Variants in CACNA1C observed in about 807,000 individuals in gnomAD.
CACNA1C encodes the protein calcium voltage-gated channel subunit alpha1 C, also known as voltage-dependent L-type calcium channel subunit alpha-1C.
Under a neutral mutation model 229.0 loss-of-function variants are expected in CACNA1C, and 30 were observed. That is an observed-to-expected ratio of 0.13 (90% confidence interval 0.10 to 0.18). The LOEUF is 0.18. Ranked by LOEUF, CACNA1C falls within the 10% of genes least tolerant of loss-of-function variation. The pLI is 1.00. For synonymous variants in CACNA1C, 1,114 were observed against 1,132.5 expected (o/e 0.98, Z 0.33); for missense variants, 1,658 against 2,845.0 (o/e 0.58, Z 9.49).
intron 3 of CACNA1C, among the ~76,000 whole-genome samples, chr12:2,437,658 AAATGGTGGT>A (rs547810093): frequency 5.7e-4 from 86 of 152,026 alleles, no homozygotes; most frequent in African/African-American, 1.9e-3. Flanking sequence ...GGGGAGGTGG[AAATGGTGGT>A]AATGGTGATG....
At chr12:2,556,050 G>A (rs532017167) in intron 10 of CACNA1C, among the ~76,000 whole-genome samples, 12 of 152,042 alleles carry the variant, frequency 7.9e-5, no homozygotes, top group Non-Finnish European at 1.3e-4. Flanking sequence ...TATCCCCAGC[G>A]TTCATGCCCT....
At chr12:2,452,311 G>A (rs1034125729) in intron 4 of CACNA1C, among the ~76,000 whole-genome samples, 8 of 152,188 alleles carry the variant, frequency 5.3e-5, no homozygotes, top group Admixed American at 4.6e-4. Flanking sequence ...AGGGACTGTG[G>A]CGGCCTCAGA....
At chr12:2,474,568 A>C (rs1165558036) in intron 5 of CACNA1C, among the ~76,000 whole-genome samples, 1 of 152,104 alleles carries the variant, frequency 6.6e-6, no homozygotes, top group Non-Finnish European at 1.5e-5. Flanking sequence ...CAGCCTGGCC[A>C]ACATGGCGAA....
chr12:2,270,535 G>A (rs1300339951), intron 3 of CACNA1C, among the ~76,000 whole-genome samples: 2 of 152,192 alleles, frequency 1.3e-5, no homozygotes, highest in Non-Finnish European at 2.9e-5. Context: ...GAGAGAACAC[G>A]AGTAGTCTCT....
chr12:2,345,462 A>G (rs1388269305), intron 3 of CACNA1C, among the ~76,000 whole-genome samples: 1 of 152,224 alleles, frequency 6.6e-6, no homozygotes, highest in Non-Finnish European at 1.5e-5. Context: ...GCTTAGTTAA[A>G]TATTAAATGC....
chr12:1,974,937 A>G (rs75123960), intron 1 of CACNA1C, among the ~76,000 whole-genome samples: 282 of 152,280 alleles, frequency 1.9e-3, no homozygotes, highest in African/African-American at 6.4e-3. Context: ...ATTTGTTCCA[A>G]TGAAGAACAG....
intron 3 of CACNA1C, among the ~76,000 whole-genome samples, chr12:2,256,310 C>T (rs1358307255): frequency 6.6e-6 from 1 of 152,154 alleles, no homozygotes; most frequent in Non-Finnish European, 1.5e-5. Flanking sequence ...AATCAGTCAC[C>T]TTGGGCACAT....
chr12:2,200,301 G>A (rs924901116), intron 3 of CACNA1C, among the ~76,000 whole-genome samples: 2 of 152,166 alleles, frequency 1.3e-5, no homozygotes, highest in Non-Finnish European at 2.9e-5. Flanking sequence ...GCAGACTCTT[G>A]AGGAGTGTTT....
At position 2,567,741 on chromosome 12, in the gene CACNA1C, G is replaced by C. The variant is rs1600388690; in HGVS notation, c.1842G>C (p.Leu614=). Residue 614 remains leucine (L), a synonymous_variant, in exon 13 of 47, where the codon CTG becomes CTC. Coordinates refer to ENST00000399655, the MANE Select transcript of CACNA1C (RefSeq NM_000719.7). ...ILVETKIMSP[L]GISVLRCVRL... ...TGGAGACCAAGATCATGTCCCCACT[G>C]GGCATCTCCGTGCTCAGATGCGTCC... 6 of 1,613,438 alleles carry C rather than the reference G, an allele frequency of 3.7e-6. No homozygotes were observed. The highest frequency in any genetic ancestry group is 5.1e-6 in the Non-Finnish European group (6 of 1,179,532).
At position 2,054,132 on chromosome 12, in the gene CACNA1C, C is replaced by T. The variant is rs1392808786; in HGVS notation, c.49+521C>T. On this transcript the variant is annotated intron_variant, in intron 1 of 46. Transcript: ENST00000399655. This position sits in a 1 kb window ranked among gnomAD's most constrained non-coding sequence, Gnocchi z 5.5. ...TGCCCGGCGTCCACTCTCGTCCAGGCGCCCCTGCCCTGGGCGGCGCGCTCC... is the reference window on the plus strand; with the variant it reads ...TGCCCGGCGTCCACTCTCGTCCAGGTGCCCCTGCCCTGGGCGGCGCGCTCC... 6.6e-6 allele frequency among the ~76,000 whole-genome samples: 1 copy of T among 151,272 alleles called. No individual in the cohort carries two copies. The highest frequency in any genetic ancestry group is 1.5e-5 in the Non-Finnish European group (1 of 67,762).
chr12:2,175,829 G>A (rs61909093), intron 3 of CACNA1C, among the ~76,000 whole-genome samples: 3,233 of 152,230 alleles, frequency 0.021, 36 homozygotes, highest in Non-Finnish European at 0.032. Flanking sequence ...ATCACTTACC[G>A]GCTTTCAAAG....
At chr12:2,300,450 G>A (rs1319966833) in intron 3 of CACNA1C, among the ~76,000 whole-genome samples, 1 of 151,898 alleles carries the variant, frequency 6.6e-6, no homozygotes, top group Non-Finnish European at 1.5e-5. Context: ...GTGAAATCCT[G>A]TCTCTACTAA....
intron 11 of CACNA1C, 98 bp downstream of exon 11, chr12:2,557,075 T>A: frequency 1.1e-6 from 1 of 924,718 alleles, no homozygotes. Flanking sequence ...AAGTTGCCAG[T>A]AGTGTAAGGG....
At chr12:2,255,392 C>G (rs978926076) in intron 3 of CACNA1C, among the ~76,000 whole-genome samples, 4 of 152,180 alleles carry the variant, frequency 2.6e-5, no homozygotes, top group African/African-American at 7.2e-5. Flanking sequence ...GGCAGGCCCT[C>G]TCTCCTAGAT....
At chr12:2,474,561 C>G (rs1344792021) in intron 5 of CACNA1C, among the ~76,000 whole-genome samples, 3 of 152,078 alleles carry the variant, frequency 2.0e-5, no homozygotes, top group South Asian at 2.1e-4. Flanking sequence ...TTGAGACCAG[C>G]CTGGCCAACA....
intron 3 of CACNA1C, among the ~76,000 whole-genome samples, chr12:2,148,824 C>T (rs546742529): frequency 2.0e-5 from 3 of 152,046 alleles, no homozygotes; most frequent in Non-Finnish European, 4.4e-5. Context: ...TCCCTCCCTG[C>T]GGTCTGGAGG....
chr12:2,236,940 G>T (rs1309927884), intron 3 of CACNA1C, among the ~76,000 whole-genome samples: 1 of 152,172 alleles, frequency 6.6e-6, no homozygotes, highest in Non-Finnish European at 1.5e-5. Flanking sequence ...GCCTCCAGGG[G>T]TTTCTGGTCC....
intron 9 of CACNA1C, 140 bp downstream of exon 9, chr12:2,513,124 T>C: frequency 3.5e-6 from 2 of 567,764 alleles, no homozygotes; most frequent in Non-Finnish European, 6.2e-6. Context: ...ATCTCACTGA[T>C]GGCAGTCACT....
intron 2 of CACNA1C, among the ~76,000 whole-genome samples, chr12:2,117,702 G>A (rs2084574536): frequency 6.6e-6 from 1 of 152,226 alleles, no homozygotes; most frequent in Admixed American, 6.5e-5. Flanking sequence ...GAGGTCTTAG[G>A]AGGATGCTCA....
Sources: allele counts gnomAD v4.1 joint callset (sites outside exome capture counted in the v4.1 genomes callset), GRCh38; gene constraint gnomAD v4.1.1; non-coding constraint Gnocchi (gnomAD v3.1); transcripts MANE v1.5; gene names NCBI Gene and HGNC (gene_info 2026-07-23, HGNC 2026-07-21).